NSUN3: variants seen among roughly 807,000 people sequenced by gnomAD.
NSUN3 encodes tRNA (cytosine(34)-C(5))-methyltransferase, mitochondrial.
Under a neutral mutation model 36.8 loss-of-function variants are expected in NSUN3, and 24 were observed. That is an observed-to-expected ratio of 0.65 (90% CI 0.47 to 0.92). NSUN3 has a LOEUF of 0.92. Among genes scored for constraint, NSUN3 ranks in the 40% least tolerant of loss-of-function variants. NSUN3 has a pLI of 0.00. For missense variants in NSUN3, 381 were observed against 392.8 expected, an observed-to-expected ratio of 0.97 and a Z score of 0.25; for synonymous variants, 146 against 145.2, an observed-to-expected ratio of 1.01 and a Z score of -0.04.
intron 2 of NSUN3, among the ~76,000 whole-genome samples, chr3:94,078,995 G>A (rs891311872): frequency 2.6e-5 from 4 of 152,090 alleles, no homozygotes; most frequent in African/African-American, 4.8e-5. Context: ...TATTTTGTCC[G>A]TTAGTTGATG....
chr3:94,067,645 T>C (rs2077210444), intron 2 of NSUN3, among the ~76,000 whole-genome samples: 1 of 152,220 alleles, frequency 6.6e-6, no homozygotes, highest in Non-Finnish European at 1.5e-5. Flanking sequence ...GCAACCACTT[T>C]TATGGCACTA....
At chr3:94,078,317 A>T (rs1238919725) in intron 2 of NSUN3, among the ~76,000 whole-genome samples, 3 of 152,128 alleles carry the variant, frequency 2.0e-5, no homozygotes, top group Non-Finnish European at 4.4e-5. Context: ...GTTTGTTATG[A>T]TTTCCATTCT....
intron 2 of NSUN3, chr3:94,076,408 A>G (rs536670642): frequency 3.6e-5 from 29 of 799,800 alleles, no homozygotes; most frequent in African/African-American, 2.2e-4. Flanking sequence ...TGTTTGAACA[A>G]GTATCCCAAA....
At chr3:94,097,701 C>T (rs949908794) in intron 5 of NSUN3, among the ~76,000 whole-genome samples, 1 of 152,138 alleles carries the variant, frequency 6.6e-6, no homozygotes, top group East Asian at 1.9e-4. Flanking sequence ...TTACTGCTTG[C>T]TCCCTCTTAA....
intron 1 of NSUN3, chr3:94,063,439 T>C: frequency 4.8e-6 from 2 of 413,044 alleles, no homozygotes; most frequent in African/African-American, 3.9e-5. Flanking sequence ...TGTTACATAG[T>C]AGGCATTGAA....
At chr3:94,110,705 C>T (rs2077412366) in intron 5 of NSUN3, among the ~76,000 whole-genome samples, 1 of 151,480 alleles carries the variant, frequency 6.6e-6, no homozygotes, top group African/African-American at 2.4e-5. Context: ...TTAGAGTTCT[C>T]CAGAGAAAAA....
At chr3:94,064,985 C>T (rs971129735) in intron 2 of NSUN3, among the ~76,000 whole-genome samples, 4 of 152,070 alleles carry the variant, frequency 2.6e-5, no homozygotes, top group African/African-American at 4.8e-5. Context: ...TTTCCTATGT[C>T]GATGGCTGGG....
chr3:94,118,242 T>A (rs941101243), intron 5 of NSUN3, among the ~76,000 whole-genome samples: 4 of 152,198 alleles, frequency 2.6e-5, no homozygotes, highest in African/African-American at 7.2e-5. Flanking sequence ...ATCAATTTTT[T>A]AAAAAGTACT....
chr3:94,093,729 CTTCTTGCACCTGAATTACCACCTGTGT>C (rs1179868725), intron 3 of NSUN3, among the ~76,000 whole-genome samples: 1 of 152,216 alleles, frequency 6.6e-6, no homozygotes, highest in African/African-American at 2.4e-5. Flanking sequence ...TGAGTTTCAT[CTTCTTGCACCTGAATTACCACCTGTGT>C]TTACTCTTAA....
At chr3:94,125,788 C>T (rs2077482959) in intron 5 of NSUN3, among the ~76,000 whole-genome samples, 1 of 152,186 alleles carries the variant, frequency 6.6e-6, no homozygotes, top group South Asian at 2.1e-4. Flanking sequence ...AGATTGGGCA[C>T]AGTGGCTCAC....
At chr3:94,112,163 A>G (rs1428904744) in intron 5 of NSUN3, among the ~76,000 whole-genome samples, 2 of 152,218 alleles carry the variant, frequency 1.3e-5, no homozygotes, top group African/African-American at 4.8e-5. Flanking sequence ...ATGGAGGGCC[A>G]TCTGCTTTAC....
intron 3 of NSUN3, among the ~76,000 whole-genome samples, chr3:94,093,320 T>C (rs1455979676): frequency 2.0e-5 from 3 of 148,948 alleles, no homozygotes; most frequent in East Asian, 4.1e-4. Flanking sequence ...CATATACACA[T>C]ACATATACAT....
chr3:94,071,626 T>C (rs185071152), intron 2 of NSUN3, among the ~76,000 whole-genome samples: 319 of 152,332 alleles, frequency 2.1e-3, no homozygotes, highest in Non-Finnish European at 3.0e-3. Context: ...GTGTTTTTTT[T>C]CAAAATGATA....
At chr3:94,077,089 G>C (rs1456637354) in intron 2 of NSUN3, 1 of 781,934 alleles carries the variant, frequency 1.3e-6, no homozygotes, top group Non-Finnish European at 2.4e-6. Context: ...ATAAAGAAAA[G>C]GGGTGTTCTT....
chr3:94,069,798 T>C (rs988983340), intron 2 of NSUN3, among the ~76,000 whole-genome samples: 2 of 152,204 alleles, frequency 1.3e-5, no homozygotes, highest in African/African-American at 4.8e-5. Context: ...CTCCAGGATT[T>C]AGGCCCCAGG....
chr3:94,100,488 G>A lies in NSUN3; in HGVS notation c.743+5334G>A, dbSNP rs143880324. ...AGGCTGAGGGTGAAGGGAAGGATGGGGAAAGGTAAGACATCGATCAAAGTC... is the reference window on the plus strand; with the variant it reads ...AGGCTGAGGGTGAAGGGAAGGATGGAGAAAGGTAAGACATCGATCAAAGTC... On this transcript the variant is annotated intron_variant, in intron 5 of 5. Transcript: ENST00000314622. 2.8e-3 allele frequency among the ~76,000 whole-genome samples: 431 copies of A among 152,206 alleles called. 2 individuals are homozygous for A. Among genetic ancestry groups the A allele is most frequent in the Non-Finnish European group, 4.5e-3 (303 of 68,024 alleles).
rs1043301248 is a variant in NSUN3, at chr3:94,131,378, A to G, written c.*4888A>G. On this transcript the variant is annotated 3_prime_UTR_variant, in exon 6 of 6. Coordinates refer to ENST00000314622, the MANE Select transcript of NSUN3 (RefSeq NM_022072.5). ...TTTTCCCAACACTATGCTGTCTCAC[A>G]GAGTGTAGGTTGTTTGAACCCTCAA... is the stretch of plus-strand genomic sequence containing the variant. 6.6e-6 allele frequency among the ~76,000 whole-genome samples: 1 copy of G among 152,200 alleles called. No homozygotes were observed. The highest frequency in any genetic ancestry group is 2.4e-5 in the African/African-American group (1 of 41,444).
chr3:94,086,055 C>T (rs1025875565), intron 3 of NSUN3, among the ~76,000 whole-genome samples: 10 of 151,616 alleles, frequency 6.6e-5, no homozygotes, highest in African/African-American at 1.9e-4. Flanking sequence ...GTGATTCTCC[C>T]GCCTCAGCCT....
At chr3:94,106,882 GA>G (rs1221864912) in intron 5 of NSUN3, among the ~76,000 whole-genome samples, 2 of 151,674 alleles carry the variant, frequency 1.3e-5, no homozygotes, top group Admixed American at 6.6e-5. Context: ...AGTAAATGAA[GA>G]AAAAATTCCC....
Sources: gnomAD v4.1 joint callset for allele counts (sites outside exome capture counted in the v4.1 genomes callset) on GRCh38, gnomAD v4.1.1 for gene constraint, MANE v1.5 for transcripts, NCBI Gene and HGNC (gene_info 2026-07-23, HGNC 2026-07-21) for gene names.